The following VMP1 variants were observed in gnomAD, a reference collection of about 807,000 sequenced individuals.
VMP1 encodes vacuole membrane protein 1.
In VMP1, 11 loss-of-function variants were observed where a neutral mutation model predicts 56.0. The ratio of observed to expected loss-of-function variants is 0.20; its 90% CI spans 0.12 to 0.32. The LOEUF is 0.32. Among genes scored for constraint, VMP1 ranks in the 10% least tolerant of loss-of-function variants. VMP1 has a pLI of 1.00. For missense variants in VMP1, 296 were observed against 490.3 expected, an observed-to-expected ratio of 0.60 and a Z score of 3.74; for synonymous variants, 149 against 165.0, an observed-to-expected ratio of 0.90 and a Z score of 0.74.
intron 7 of VMP1, among the ~76,000 whole-genome samples, chr17:59,790,556 G>A (rs1051974878): frequency 2.6e-5 from 4 of 152,150 alleles, no homozygotes; most frequent in South Asian, 2.1e-4. Context: ...TTGGGAGGCC[G>A]AGGCAGGTGG....
rs201900647 is a variant in VMP1 at position 59,735,426 on chromosome 17, G to T, written c.165G>T (p.Gln55His). The T allele has an allele frequency of 9.6e-5, 155 of 1,614,130 alleles. No homozygotes were observed. Among genetic ancestry groups the T allele is most frequent in the Admixed American group, 4.8e-4 (29 of 60,010 alleles). ...GGAGACAGCCGCTCATTACCTTGCAGTATTTTTCTCTGGAAATCCTTGTAA... is the reference window on the plus strand; with the variant it reads ...GGAGACAGCCGCTCATTACCTTGCATTATTTTTCTCTGGAAATCCTTGTAA... ...VLWRQPLITL[Q>H]YFSLEILVIL... The change falls in exon 3 of 12, where the codon CAG (glutamine) becomes CAT (histidine). Residue 55 changes from glutamine to histidine, a missense_variant. This residue lies in a region of VMP1 where 69 missense variants were observed against 76.6 expected (regional missense o/e 0.90). Coordinates refer to ENST00000262291, the MANE Select transcript of VMP1 (RefSeq NM_030938.5).
In VMP1 at chr17:59,735,397, C is replaced by T; in HGVS notation, c.136C>T (p.Leu46=). The change falls in exon 3 of 12, where the codon CTG becomes TTG. Residue 46 remains leucine, a synonymous_variant. Transcript: ENST00000262291. ...REREERQNIV[L]WRQPLITLQY... is the part of the protein sequence containing the mutation. ...GCGGGAAGAAAGGCAGAATATTGTC[C>T]TGTGGAGACAGCCGCTCATTACCTT... 6.2e-7 allele frequency: 1 copy of T among 1,614,114 alleles called. No individual in the cohort carries two copies. The highest frequency in any genetic ancestry group is 8.5e-7 in the Non-Finnish European group (1 of 1,180,012).
intron 10 of VMP1, among the ~76,000 whole-genome samples, chr17:59,832,054 T>A (rs2038825488): frequency 2.0e-5 from 3 of 151,694 alleles, no homozygotes; most frequent in Admixed American, 6.6e-5. Context: ...GGTGGAAAAA[T>A]TTTTTTTAAT....
intron 5 of VMP1, among the ~76,000 whole-genome samples, chr17:59,751,260 T>C (rs940484695): frequency 2.0e-5 from 3 of 152,186 alleles, no homozygotes; most frequent in Non-Finnish European, 2.9e-5. Context: ...TTAGCAAGCA[T>C]TCAGGTTACC....
intron 5 of VMP1, among the ~76,000 whole-genome samples, chr17:59,745,842 A>C (rs2035404674): frequency 6.6e-6 from 1 of 152,240 alleles, no homozygotes; most frequent in Non-Finnish European, 1.5e-5. Context: ...TTGTGGTGAA[A>C]AAGAAACTAA....
chr17:59,709,169 A>C (rs186312597), intron 1 of VMP1, among the ~76,000 whole-genome samples: 4 of 152,326 alleles, frequency 2.6e-5, no homozygotes, highest in African/African-American at 9.6e-5. Context: ...CAAGGTGACA[A>C]AATTTGAGAT....
At chr17:59,816,266 T>C (rs2038228381) in intron 9 of VMP1, among the ~76,000 whole-genome samples, 1 of 152,324 alleles carries the variant, frequency 6.6e-6, no homozygotes, top group African/African-American at 2.4e-5. Flanking sequence ...TTCATGGTGA[T>C]GAAATCACTG....
At chr17:59,754,014 A>G (rs2035749258) in intron 5 of VMP1, among the ~76,000 whole-genome samples, 1 of 152,180 alleles carries the variant, frequency 6.6e-6, no homozygotes, top group South Asian at 2.1e-4. Context: ...ATTTTTATAG[A>G]AAAAAAGTAC....
intron 1 of VMP1, among the ~76,000 whole-genome samples, chr17:59,722,103 C>A (rs904348241): frequency 2.0e-5 from 3 of 152,168 alleles, no homozygotes; most frequent in African/African-American, 7.2e-5. Context: ...ACTTTAATTA[C>A]CTTCTTAAAG....
chr17:59,796,638 C>T (rs915362877), intron 7 of VMP1, among the ~76,000 whole-genome samples: 1 of 152,116 alleles, frequency 6.6e-6, no homozygotes, highest in African/African-American at 2.4e-5. Context: ...AAGTAACTTT[C>T]AAAATGTTAT....
intron 6 of VMP1, among the ~76,000 whole-genome samples, chr17:59,766,931 C>T (rs2036253093): frequency 6.6e-6 from 1 of 152,128 alleles, no homozygotes; most frequent in Admixed American, 6.6e-5. Context: ...AGGCACCCGC[C>T]ACCACGCTCG....
intron 10 of VMP1, among the ~76,000 whole-genome samples, chr17:59,836,413 G>A (rs1264808194): frequency 2.0e-5 from 3 of 151,758 alleles, no homozygotes; most frequent in Non-Finnish European, 4.4e-5. Flanking sequence ...TCCCAGGATG[G>A]TATTGAACTC....
chr17:59,716,507 C>T (rs2034157241), intron 1 of VMP1, among the ~76,000 whole-genome samples: 2 of 152,054 alleles, frequency 1.3e-5, no homozygotes, highest in Non-Finnish European at 2.9e-5. Context: ...ACTGAAAATC[C>T]TCTCACTGGA....
chr17:59,742,854 C>T (rs1173858276), intron 5 of VMP1, among the ~76,000 whole-genome samples: 2 of 152,118 alleles, frequency 1.3e-5, no homozygotes, highest in South Asian at 2.1e-4. Flanking sequence ...ACTGCACATA[C>T]GAGGGATCTA....
chr17:59,837,259 A>G (rs1013554038), intron 10 of VMP1, among the ~76,000 whole-genome samples: 2 of 152,120 alleles, frequency 1.3e-5, no homozygotes, highest in African/African-American at 2.4e-5. Context: ...TAGGACAAGC[A>G]TTAGGCAGTG....
At chr17:59,730,230 AT>A (rs910129204) in intron 1 of VMP1, among the ~76,000 whole-genome samples, 2 of 150,954 alleles carry the variant, frequency 1.3e-5, no homozygotes, top group African/African-American at 4.9e-5. Flanking sequence ...AATATATGTG[AT>A]TTGTAAATAC....
chr17:59,739,427 A>C (rs928433455), intron 5 of VMP1, among the ~76,000 whole-genome samples: 2 of 152,230 alleles, frequency 1.3e-5, no homozygotes, highest in Non-Finnish European at 2.9e-5. Flanking sequence ...CCAAAGTATA[A>C]AAAGTGCCCC....
At chr17:59,819,803 A>G (rs2038375955) in intron 10 of VMP1, among the ~76,000 whole-genome samples, 1 of 152,056 alleles carries the variant, frequency 6.6e-6, no homozygotes, top group South Asian at 2.1e-4. Context: ...AGAGACTACT[A>G]CTCTACCTTG....
chr17:59,713,447 A>T (rs2034012687), intron 1 of VMP1, among the ~76,000 whole-genome samples: 1 of 152,072 alleles, frequency 6.6e-6, no homozygotes, highest in African/African-American at 2.4e-5. Flanking sequence ...TACATATATA[A>T]ATCTAGAGGT....
Sources: allele counts gnomAD v4.1 joint callset (sites outside exome capture counted in the v4.1 genomes callset), GRCh38; gene constraint gnomAD v4.1.1; regional missense constraint gnomAD v4.1.1; transcripts MANE v1.5; gene names NCBI Gene and HGNC (gene_info 2026-07-23, HGNC 2026-07-21).